ATG9A: variants seen among roughly 807,000 people sequenced by gnomAD.
The protein encoded by ATG9A is autophagy related 9A.
In ATG9A, 21 loss-of-function variants were observed where a neutral mutation model predicts 87.1. That is an observed-to-expected ratio of 0.24 (90% CI 0.17 to 0.35). ATG9A has a LOEUF of 0.35. Among genes scored for constraint, ATG9A ranks in the 10% least tolerant of loss-of-function variants. The pLI, the probability that ATG9A is intolerant of heterozygous loss-of-function variation, is 1.00. For missense variants in ATG9A, 836 were observed against 1,107.3 expected (o/e 0.76, Z 3.48); for synonymous variants, 422 against 441.3 (o/e 0.96, Z 0.55).
At chr2:219,228,630 G>A (rs1950921670) in intron 1 of ATG9A, 145 bp from the exon 2 acceptor site, 1 of 152,472 alleles carries the variant, frequency 6.6e-6, no homozygotes, top group South Asian at 2.1e-4. Flanking sequence ...TTCCAGCCCA[G>A]GACTACGAGC....
chr2:219,225,521 G>A lies in ATG9A; in HGVS notation c.264C>T (p.Asp88=), dbSNP rs759256689. 3.7e-6 allele frequency: 6 copies of A among 1,614,104 alleles called. No individual in the cohort carries two copies. In the East Asian group the frequency reaches 1.1e-4, roughly 30 times the overall value. ...AFTTFLVSCV[D]YDILFANKMV... ...TCTTGTTGGCAAATAGGATGTCATA[G>A]TCCACGCAGCTGACCAGGAAGGTAG... The change falls in exon 6 of 16, where the codon GAC becomes GAT. Residue 88 remains aspartate, a synonymous_variant. Transcript: ENST00000361242.
At chr2:219,227,698 C>T (rs1440063535) in intron 4 of ATG9A, 72 bp downstream of exon 4, 1 of 1,558,706 alleles carries the variant, frequency 6.4e-7, no homozygotes. Flanking sequence ...CCTACCCCCA[C>T]CTCCCACCAG....
In ATG9A at chr2:219,224,932, T is replaced by C; in HGVS notation, c.517-78A>G. 6.3e-7 allele frequency: 1 copy of C among 1,580,164 alleles called. No homozygotes were observed. On this transcript the variant is annotated intron_variant, in intron 7 of 15. Coordinates refer to ENST00000361242, the MANE Select transcript of ATG9A (RefSeq NM_001077198.3). The surrounding 1 kb of genome is among the most constrained non-coding windows in gnomAD (Gnocchi z 7.7). ...CGACCCCTTTGCCCTATATTAGAAGTGAGATTCAGGGGTTGTGAGCTTAAG... is the reference window on the plus strand; with the variant it reads ...CGACCCCTTTGCCCTATATTAGAAGCGAGATTCAGGGGTTGTGAGCTTAAG...
Position 219,225,179 on chromosome 2 carries a change from C to T in ATG9A, c.408G>A (p.Leu136=). Residue 136 remains leucine, a synonymous_variant, in exon 7 of 16, where the codon CTG becomes CTA. Transcript: ENST00000361242. The part of the protein sequence containing the change: ...IQENGSLITI[L]VIAGVFWIHR... ...GGATCCAGAAGACACCAGCAATGAC[C>T]AGGATGGTGATAAGGGAGCCATTTT... is the stretch of plus-strand genomic sequence containing the variant. 1 of 1,614,160 alleles carries T rather than the reference C, an allele frequency of 6.2e-7. No individual in the cohort carries two copies. The highest frequency in any genetic ancestry group is 2.2e-5 in the East Asian group (1 of 44,880).
rs1376956171 is a variant in ATG9A at position 219,223,467 on chromosome 2, C to T, written c.1599+118G>A. ...CCAGCCCAGGCTCCCAAGCAGTGTG[C>T]CCCTGGTATAGGACTGCCTTTGTGT... On this transcript the variant is annotated intron_variant, in intron 10 of 15. Coordinates refer to ENST00000361242, the MANE Select transcript of ATG9A (RefSeq NM_001077198.3). This position sits in a 1 kb window ranked among gnomAD's most constrained non-coding sequence, Gnocchi z 4.7. 4.2e-6 allele frequency: 5 copies of T among 1,200,354 alleles called. No individual in the cohort carries two copies. Among genetic ancestry groups the T allele is most frequent in the Non-Finnish European group, 5.7e-6 (5 of 880,978 alleles). The allele number at this position is 1,200,354 out of a possible 1,614,324, so 74.4% of individuals were successfully genotyped here.
rs1220062703 is a variant in ATG9A at position 219,222,952 on chromosome 2, T to C, written c.1600-59A>G. 6.3e-7 allele frequency: 1 copy of C among 1,598,354 alleles called. No individual in the cohort carries two copies. Among genetic ancestry groups the C allele is most frequent in the Non-Finnish European group, 8.5e-7 (1 of 1,172,384 alleles). ...TCTCTTCCAGGAGCCTTCCTGCACCTTTCCTGTTAGTGGGGAGGCCTTACC... is the reference window on the plus strand; with the variant it reads ...TCTCTTCCAGGAGCCTTCCTGCACCCTTCCTGTTAGTGGGGAGGCCTTACC... On this transcript the variant is annotated intron_variant, in intron 10 of 15. Transcript: ENST00000361242. The surrounding 1 kb of genome is among the most constrained non-coding windows in gnomAD (Gnocchi z 4.3).
chr2:219,222,846 C>T lies in ATG9A; in HGVS notation c.1647G>A (p.Glu549=), dbSNP rs1950789371. The change falls in exon 11 of 16, where the codon GAG becomes GAA. Residue 549 remains glutamate, a synonymous_variant. Transcript: ENST00000361242. The surrounding 1 kb of genome is among the most constrained non-coding windows in gnomAD (Gnocchi z 4.3). ...QTEASVYQQA[E]DGKTELSLMH... is the part of the protein sequence containing the mutation. Reference sequence around the variant, plus strand: ...TGAGTGACAACTCTGTCTTTCCATCCTCAGCTTGCTGGTACACTGAGGCCT... The same window carrying T: ...TGAGTGACAACTCTGTCTTTCCATCTTCAGCTTGCTGGTACACTGAGGCCT... 6 of 1,614,162 alleles carry T rather than the reference C, an allele frequency of 3.7e-6. No homozygotes were observed. In the Admixed American group the frequency reaches 8.3e-5, roughly 22 times the overall value.
rs368643354 is a variant in ATG9A at position 219,224,407 on chromosome 2, G to T, written c.964C>A (p.Arg322=). The T allele has an allele frequency of 2.7e-5, 43 of 1,613,884 alleles. No homozygotes were observed. Among genetic ancestry groups the T allele is most frequent in the Non-Finnish European group, 3.4e-5 (40 of 1,180,040 alleles). Residue 322 remains arginine, a synonymous_variant, in exon 8 of 16, where the codon CGG becomes AGG. Transcript: ENST00000361242. This position sits in a 1 kb window ranked among gnomAD's most constrained non-coding sequence, Gnocchi z 7.7. The part of the protein sequence containing the change: ...AFFSYAEVLK[R]EPGALGARCW... The stretch of plus-strand genomic sequence containing the variant: ...CGTGCTCCCAGGGCCCCCGGCTCCC[G>T]CTTCAGCACCTCAGCATAGCTGAAG...
rs1372669777 is a variant in ATG9A at position 219,222,352 on chromosome 2, G to A, written c.1947C>T (p.Ala649=). Residue 649 remains alanine (A), a synonymous_variant, in exon 12 of 16, where the codon GCC becomes GCT. Coordinates refer to ENST00000361242, the MANE Select transcript of ATG9A (RefSeq NM_001077198.3). The surrounding 1 kb of genome is among the most constrained non-coding windows in gnomAD (Gnocchi z 4.3). The stretch of plus-strand genomic sequence containing the variant: ...GCGGGGAGAAGGAGCGCAGGGCAGA[G>A]GCGACTTCAGCCCTGTGCCTGGAGC... The part of the protein sequence containing the change: ...LQGSRHRAEV[A]SALRSFSPLQ... The A allele has an allele frequency of 6.2e-7, 1 of 1,613,110 alleles. No homozygotes were observed. The highest frequency in any genetic ancestry group is 1.7e-5 in the Admixed American group (1 of 59,980).
chr2:219,225,854 A>G (rs1266074949), intron 5 of ATG9A, among the ~76,000 whole-genome samples: 1 of 151,438 alleles, frequency 6.6e-6, no homozygotes, highest in Non-Finnish European at 1.5e-5. Context: ...TGGGTCTCTG[A>G]TCTCCAGTCT....
At position 219,223,033 on chromosome 2, in the gene ATG9A, C is replaced by A. The variant is rs1950793031; in HGVS notation, c.1600-140G>T. ...AATCTTTCCCAGGGCACTGGTGCCC[C>A]CCCAGACCCAGGAGGGGCTGCACTG... On this transcript the variant is annotated intron_variant, in intron 10 of 15. Coordinates refer to ENST00000361242, the MANE Select transcript of ATG9A (RefSeq NM_001077198.3). This position sits in a 1 kb window ranked among gnomAD's most constrained non-coding sequence, Gnocchi z 4.7. 3.5e-6 allele frequency: 4 copies of A among 1,134,436 alleles called. No homozygotes were observed. The highest frequency in any genetic ancestry group is 4.9e-6 in the Non-Finnish European group (4 of 808,994). The allele number at this position is 1,134,436 out of a possible 1,614,324, so 70.3% of individuals were successfully genotyped here.
Position 219,221,285 on chromosome 2 carries a change from G to A in ATG9A, c.2163C>T (p.Ala721=), listed in dbSNP as rs774907264. 161 of 1,564,322 alleles carry A rather than the reference G, an allele frequency of 1.0e-4. No homozygotes were observed. Among genetic ancestry groups the A allele is most frequent in the Non-Finnish European group, 1.3e-4 (155 of 1,156,588 alleles). The stretch of plus-strand genomic sequence containing the variant: ...ATACATGCCGCTCAGGTTCAGCCTG[G>A]GCCTGCTGCTTGTGGAGCTGGAGAA... The part of the protein sequence containing the change: ...LYMHQLHKQQ[A]QAEPERHVWH... Residue 721 remains alanine, a synonymous_variant, in exon 14 of 16, where the codon GCC becomes GCT. Coordinates refer to ENST00000361242, the MANE Select transcript of ATG9A (RefSeq NM_001077198.3).
rs1203362416 is a variant in ATG9A, at chr2:219,224,254, A to G, written c.1117T>C (p.Leu373=). The G allele has an allele frequency of 1.9e-6, 3 of 1,613,958 alleles. No homozygotes were observed. Among genetic ancestry groups the G allele is most frequent in the South Asian group, 2.2e-5 (2 of 91,084 alleles). ...GCTCCATTCTTGGCCAGCAGTGTCA[A>G]AAGAGGTGACAAGAAGCAATTCATG... ...KYMNCFLSPL[L]TLLAKNGAFF... is the part of the protein sequence containing the mutation. The change falls in exon 8 of 16, where the codon TTG becomes CTG. Residue 373 remains leucine, a synonymous_variant. Transcript: ENST00000361242. This position sits in a 1 kb window ranked among gnomAD's most constrained non-coding sequence, Gnocchi z 7.7.
At position 219,221,695 on chromosome 2, in the gene ATG9A, A is replaced by G. The variant is rs139765315; in HGVS notation, c.2145+355T>C. On this transcript the variant is annotated intron_variant, in intron 13 of 15. Transcript: ENST00000361242. ...CAAATAAATAAGGAAAAAACATGAT[A>G]TGTCACATGGTGCTAAATGCTATGG... Among the ~76,000 whole-genome samples the G allele has an allele frequency of 1.4e-3, 215 of 152,282 alleles. 1 individual carries two copies. Among genetic ancestry groups the G allele is most frequent in the African/African-American group, 5.1e-3 (211 of 41,566 alleles).
intron 15 of ATG9A, 75 bp downstream of exon 15, chr2:219,220,672 T>C: frequency 6.4e-7 from 1 of 1,570,282 alleles, no homozygotes; most frequent in Non-Finnish European, 8.7e-7. Flanking sequence ...CATATCTTCC[T>C]TCCCCTGAAA....
intron 2 of ATG9A, 26 bp downstream of exon 2, chr2:219,228,404 CAAAT>C: frequency 4.9e-6 from 1 of 204,356 alleles, no homozygotes. Context: ...ACTTCACAAA[CAAAT>C]GTTTGAGAAA....
chr2:219,222,367 G>C lies in ATG9A; in HGVS notation c.1932C>G (p.His644Gln). The change falls in exon 12 of 16, where the codon CAC (histidine) becomes CAG (glutamine). Residue 644 changes from histidine (H) to glutamine (Q), a missense_variant. Coordinates refer to ENST00000361242, the MANE Select transcript of ATG9A (RefSeq NM_001077198.3). This position sits in a 1 kb window ranked among gnomAD's most constrained non-coding sequence, Gnocchi z 4.3. ...GCAGGGCAGAGGCGACTTCAGCCCTGTGCCTGGAGCCCTGCAGGTCTCTGG... is the reference window on the plus strand; with the variant it reads ...GCAGGGCAGAGGCGACTTCAGCCCTCTGCCTGGAGCCCTGCAGGTCTCTGG... The part of the protein sequence containing the change: ...PLPRDLQGSR[H>Q]RAEVASALRS... 6.2e-7 allele frequency: 1 copy of C among 1,612,050 alleles called. No homozygotes were observed. Among genetic ancestry groups the C allele is most frequent in the Non-Finnish European group, 8.5e-7 (1 of 1,179,426 alleles).
In ATG9A at chr2:219,222,313, C is replaced by G. The variant is rs371062354; in HGVS notation, c.1986G>C (p.Gln662His). The G allele has an allele frequency of 2.5e-5, 41 of 1,613,296 alleles. No individual in the cohort carries two copies. Among genetic ancestry groups the G allele is most frequent in the Non-Finnish European group, 3.5e-5 (41 of 1,180,038 alleles). The change falls in exon 12 of 16, where the codon CAG becomes CAC. Residue 662 changes from glutamine (Q) to histidine (H), a missense_variant. This residue lies in a region of ATG9A where 324 missense variants were observed against 347.6 expected (regional missense o/e 0.93). Coordinates refer to ENST00000361242, the MANE Select transcript of ATG9A (RefSeq NM_001077198.3). The surrounding 1 kb of genome is among the most constrained non-coding windows in gnomAD (Gnocchi z 4.3). The part of the protein sequence containing the change: ...LRSFSPLQPG[Q>H]APTGRAHSTM... ...TGCTGTGAGCCCGGCCTGTGGGCGCCTGCCCGGGTTGCAGCGGGGAGAAGG... is the reference window on the plus strand; with the variant it reads ...TGCTGTGAGCCCGGCCTGTGGGCGCGTGCCCGGGTTGCAGCGGGGAGAAGG...
chr2:219,226,344 G>A (rs575047630), intron 5 of ATG9A, among the ~76,000 whole-genome samples: 1 of 152,166 alleles, frequency 6.6e-6, no homozygotes, highest in African/African-American at 2.4e-5. Context: ...CCCAACCAAG[G>A]CTTGGGTTCT....
Sources: allele counts gnomAD v4.1 joint callset (sites outside exome capture counted in the v4.1 genomes callset), GRCh38; gene constraint gnomAD v4.1.1; regional missense constraint gnomAD v4.1.1; non-coding constraint Gnocchi (gnomAD v3.1); transcripts MANE v1.5; gene names NCBI Gene and HGNC (gene_info 2026-07-23, HGNC 2026-07-21).